BCOR: variants seen among roughly 807,000 people sequenced by gnomAD.
BCOR encodes the protein BCL-6 corepressor.
In BCOR, 10 loss-of-function variants were observed where a neutral mutation model predicts 86.7. The ratio of observed to expected loss-of-function variants is 0.12; its 90% CI spans 0.07 to 0.20. The LOEUF (loss-of-function observed/expected upper bound fraction) is 0.20, where lower values mean the gene tolerates loss of function less well. Among genes scored for constraint, BCOR ranks in the 10% least tolerant of loss-of-function variants. BCOR has a pLI of 1.00. For synonymous variants in BCOR, 611 were observed against 609.0 expected, an observed-to-expected ratio of 1.00 and a Z score of -0.05; for missense variants, 1,259 against 1,452.1, an observed-to-expected ratio of 0.87 and a Z score of 2.16.
intron 1 of BCOR, among the ~76,000 whole-genome samples, chrX:40,147,017 C>T (rs1385293656): frequency 2.7e-5 from 3 of 111,865 alleles, no homozygotes; most frequent in Non-Finnish European, 5.7e-5. Flanking sequence ...ACGTTTCCTT[C>T]ACCTGCTCGG....
intron 1 of BCOR, among the ~76,000 whole-genome samples, chrX:40,114,716 A>C (rs1937365276): frequency 9.0e-6 from 1 of 111,634 alleles, no homozygotes; most frequent in Non-Finnish European, 1.9e-5. Context: ...TTAACAATGA[A>C]TAATTCCTAT....
chrX:40,091,877 TCCCCACCCAGCTTTGGGCGAGGC>T (rs201547562), intron 1 of BCOR, among the ~76,000 whole-genome samples: 2,968 of 112,811 alleles, frequency 0.026, 91 homozygotes, highest in African/African-American at 0.091. Flanking sequence ...GGCCCAGGCC[TCCCCACCCAGCTTTGGGCGAGGC>T]CCCCACCGGG....
chrX:40,087,521 T>A (rs893757103), intron 1 of BCOR, among the ~76,000 whole-genome samples: 2 of 112,272 alleles, frequency 1.8e-5, no homozygotes, highest in Non-Finnish European at 3.8e-5. Context: ...TCATGAAACA[T>A]ACCCTGTTTT....
At chrX:40,175,997 C>G (rs1938740574) in intron 1 of BCOR, among the ~76,000 whole-genome samples, 1 of 112,817 alleles carries the variant, frequency 8.9e-6, no homozygotes, top group Non-Finnish European at 1.9e-5. Flanking sequence ...TTTCGGGCCA[C>G]TGCGGGGGGC....
chrX:40,156,425 C>A (rs1025111054), intron 1 of BCOR, among the ~76,000 whole-genome samples: 3 of 112,365 alleles, frequency 2.7e-5, no homozygotes, highest in African/African-American at 9.7e-5. Context: ...AGGAGGTGAC[C>A]TTAGGGCACC....
intron 1 of BCOR, among the ~76,000 whole-genome samples, chrX:40,163,159 G>A (rs1410442343): frequency 2.7e-5 from 3 of 111,418 alleles, no homozygotes; most frequent in Non-Finnish European, 5.7e-5. Context: ...TAAGGCAATA[G>A]TGAAAATAAT....
At chrX:40,123,478 G>T (rs1025915169) in intron 1 of BCOR, among the ~76,000 whole-genome samples, 2 of 110,080 alleles carry the variant, frequency 1.8e-5, no homozygotes, top group Non-Finnish European at 3.8e-5. Context: ...TCAGCCTCCC[G>T]AGTAGCTGGG....
rs1268322015 is a variant in BCOR at position 40,087,078 on chromosome X, AG to A, written c.-40-9110del. ...GAGAATAAAGGTTGTGGAGACTCGC[AG>A]GGTTGGTTTCCATGCTCAGCAAAGT... On this transcript the variant is annotated intron_variant, in intron 1 of 14. Transcript: ENST00000378444. 5.7e-4 allele frequency among the ~76,000 whole-genome samples: 65 copies of A among 113,424 alleles called. No individual in the cohort carries two copies. In the Middle Eastern group the frequency reaches 0.023, roughly 40 times the overall value.
Position 40,071,366 on chromosome X carries a change from A to G in BCOR, c.3052-207T>C, listed in dbSNP as rs1210388285. Among the ~76,000 whole-genome samples, 26 of 112,358 alleles carry G rather than the reference A, an allele frequency of 2.3e-4. 1 individual carries two copies. In the Admixed American group the frequency reaches 2.5e-3, roughly 11 times the overall value. ...AAGTAGTCACACATTCTTTATTCAT[A>G]AAGTCATGTGTATATAGATATATAT... On this transcript the variant is annotated intron_variant, in intron 5 of 14. Coordinates refer to ENST00000378444, the MANE Select transcript of BCOR (RefSeq NM_001123385.2).
At chrX:40,099,211 G>T (rs1256449557), upstream of BCOR, among the ~76,000 whole-genome samples, 2 of 112,451 alleles carry the variant, frequency 1.8e-5, no homozygotes, top group Non-Finnish European at 3.8e-5. Flanking sequence ...CTCTGGGCGC[G>T]GGGGGAGGGC....
At chrX:40,139,464 T>TATATATATATATAATATATATAC (rs1937828353) in intron 1 of BCOR, among the ~76,000 whole-genome samples, 1 of 2,919 alleles carries the variant, frequency 3.4e-4, no homozygotes, top group South Asian at 0.015. Flanking sequence ...TACATATATA[T>TATATATATATATAATATATATAC]ATATATATAT....
chrX:40,080,813 G>A (rs1011269610), intron 1 of BCOR, among the ~76,000 whole-genome samples: 1 of 79,996 alleles, frequency 1.3e-5, no homozygotes, highest in African/African-American at 4.5e-5. Flanking sequence ...GCGGTTCACT[G>A]TCGTGTGTGT....
intron 1 of BCOR, among the ~76,000 whole-genome samples, chrX:40,134,323 A>G (rs1295617645): frequency 9.0e-6 from 1 of 111,592 alleles, no homozygotes; most frequent in African/African-American, 3.3e-5. Context: ...AGCTACTGTC[A>G]TTTACAGATC....
chrX:40,171,896 C>A (rs763704995), intron 1 of BCOR, among the ~76,000 whole-genome samples: 49 of 112,949 alleles, frequency 4.3e-4, no homozygotes, highest in African/African-American at 1.5e-3. Context: ...TTAAGGCGCG[C>A]GGGCTGATGC....
intron 1 of BCOR, among the ~76,000 whole-genome samples, chrX:40,159,918 T>C (rs182974502): frequency 2.1e-4 from 24 of 111,910 alleles, no homozygotes; most frequent in African/African-American, 7.5e-4. Context: ...AAAAAAATCT[T>C]ACAAGAAAGG....
chrX:40,136,785 C>T, intron 1 of BCOR, among the ~76,000 whole-genome samples: 1 of 111,853 alleles, frequency 8.9e-6, no homozygotes, highest in South Asian at 3.7e-4. Flanking sequence ...AATGACTTTG[C>T]ACTAAGCAAA....
chrX:40,064,237 CG>C (rs2147071699), intron 7 of BCOR, 98 bp downstream of exon 7: 1 of 1,135,270 alleles, frequency 8.8e-7, no homozygotes, highest in Non-Finnish European at 1.2e-6. Flanking sequence ...ACTCTGTCTA[CG>C]GGGGCAGCGC....
chrX:40,067,205 A>C (rs1935246786), intron 6 of BCOR, among the ~76,000 whole-genome samples: 1 of 111,756 alleles, frequency 8.9e-6, no homozygotes, highest in African/African-American at 3.3e-5. Flanking sequence ...CACCTAGAAG[A>C]CTTGTAATCA....
At chrX:40,070,616 A>C in intron 6 of BCOR, among the ~76,000 whole-genome samples, 1 of 111,436 alleles carries the variant, frequency 9.0e-6, no homozygotes, top group Non-Finnish European at 1.9e-5. Flanking sequence ...TTGGAGGGAG[A>C]ATATAAGGAC....
Sources: allele counts gnomAD v4.1 joint callset (sites outside exome capture counted in the v4.1 genomes callset), GRCh38; gene constraint gnomAD v4.1.1; transcripts MANE v1.5; gene names NCBI Gene and HGNC (gene_info 2026-07-23, HGNC 2026-07-21).